Variants in SRD5A1 observed in about 807,000 individuals in gnomAD.
SRD5A1 encodes the protein 3-oxo-5-alpha-steroid 4-dehydrogenase 1.
In SRD5A1, 22 loss-of-function variants were observed where a neutral mutation model predicts 28.2. That is an observed-to-expected ratio of 0.78 (90% CI 0.56 to 1.12). SRD5A1 has a LOEUF of 1.12. Ranked by LOEUF, SRD5A1 falls within the 50% of genes most tolerant of loss-of-function variation. The pLI, the probability that SRD5A1 is intolerant of heterozygous loss-of-function variation, is 0.00. For synonymous variants in SRD5A1, 151 were observed against 135.0 expected (o/e 1.12, Z -0.82); for missense variants, 300 against 346.7 (o/e 0.87, Z 1.07).
Position 6,670,596 on chromosome 5 carries a change from C to CTG in SRD5A1, c.*2328_*2329insTG, listed in dbSNP as rs1470902035. On this transcript the variant is annotated 3_prime_UTR_variant, in exon 5 of 5. Transcript: ENST00000274192. Reference sequence around the variant, plus strand: ...AGCACTTACTGTATATCAAGCACAGCAGTGGGTGCTGAGGACGGATGGGTA... The same window carrying CTG: ...AGCACTTACTGTATATCAAGCACAGCTGAGTGGGTGCTGAGGACGGATGGGTA... The CTG allele has an allele frequency of 2.0e-5, 3 of 152,328 alleles. No individual in the cohort carries two copies. The East Asian group carries it at 5.8e-4, about 29-fold the overall frequency. The allele number at this position is 152,328 out of a possible 1,614,324, so 9.4% of individuals were successfully genotyped here.
At chr5:6,643,918 CT>C (rs150526597) in intron 1 of SRD5A1, among the ~76,000 whole-genome samples, 1,874 of 152,280 alleles carry the variant, frequency 0.012, 38 homozygotes, top group African/African-American at 0.042. Flanking sequence ...AGTGCAGAGT[CT>C]GATAATATTA....
chr5:6,654,314 C>T (rs1738772176), intron 2 of SRD5A1, among the ~76,000 whole-genome samples: 1 of 152,124 alleles, frequency 6.6e-6, no homozygotes, highest in African/African-American at 2.4e-5. Context: ...GCCTCAGCCT[C>T]CCAAAGTGGT....
chr5:6,668,160 T>G (rs1483801696), intron 4 of SRD5A1, 42 bp from the exon 5 acceptor site: 2 of 1,276,228 alleles, frequency 1.6e-6, no homozygotes, highest in South Asian at 2.7e-5. Flanking sequence ...GTTAAATGTC[T>G]AAGCGACAGA....
intron 1 of SRD5A1, among the ~76,000 whole-genome samples, chr5:6,643,349 G>A (rs1738418091): frequency 6.6e-6 from 1 of 152,110 alleles, no homozygotes; most frequent in Admixed American, 6.6e-5. Context: ...TGTCACCCAA[G>A]CTGGAGTGCA....
Position 6,633,677 on chromosome 5 carries a change from C to CG in SRD5A1, c.102dup (p.Asn35GlufsTer93). The CG allele has an allele frequency of 6.3e-7, 1 of 1,585,578 alleles. No individual in the cohort carries two copies. The highest frequency in any genetic ancestry group is 8.5e-7 in the Non-Finnish European group (1 of 1,173,560). On this transcript the variant is annotated frameshift_variant, in exon 1 of 5. Transcript: ENST00000274192. LOFTEE classifies it high-confidence loss of function. ...GCGGTCTTCGCGCGCAATCGTCAGA[C>CG]GAACTCAGTGTACGGCCGCCACGCG...
chr5:6,648,480 C>T (rs1044714105), intron 1 of SRD5A1, among the ~76,000 whole-genome samples: 2 of 151,216 alleles, frequency 1.3e-5, no homozygotes, highest in African/African-American at 4.8e-5. Context: ...TTTCTTTTCA[C>T]TCTAAGTCTT....
rs1739438114 is a variant in SRD5A1 at position 6,674,076 on chromosome 5, A to G, written c.*5808A>G. The G allele has an allele frequency of 6.6e-6, 1 of 151,528 alleles. No homozygotes were observed. The highest frequency in any genetic ancestry group is 1.5e-5 in the Non-Finnish European group (1 of 67,934). The allele number at this position is 151,528 out of a possible 1,614,324, so 9.4% of individuals were successfully genotyped here. ...ATAGAATATACAACATGAAGAATGA[A>G]TGCTAATGTAAACTCTGGATTTTTA... On this transcript the variant is annotated 3_prime_UTR_variant, in exon 5 of 5. Transcript: ENST00000274192.
In SRD5A1 at chr5:6,664,399, A is replaced by G. The variant is rs182541733; in HGVS notation, c.713+1433A>G. Among the ~76,000 whole-genome samples, 32 of 152,152 alleles carry G rather than the reference A, an allele frequency of 2.1e-4. No homozygotes were observed. The East Asian group carries it at 5.4e-3, about 26-fold the overall frequency. On this transcript the variant is annotated intron_variant, in intron 4 of 4. Coordinates refer to ENST00000274192, the MANE Select transcript of SRD5A1 (RefSeq NM_001047.4). ...GAAGAAGAAAGGTCATATCTGAAGT[A>G]TCTCTTTGTCTAATTTTTTTTTTAA...
chr5:6,656,285 C>T, intron 3 of SRD5A1, 106 bp downstream of exon 3: 1 of 843,202 alleles, frequency 1.2e-6, no homozygotes, highest in South Asian at 1.5e-5. Context: ...TTATTAGCTA[C>T]AAGTTTTCAG....
chr5:6,638,197 G>A (rs1050227469), intron 1 of SRD5A1, among the ~76,000 whole-genome samples: 2 of 152,168 alleles, frequency 1.3e-5, no homozygotes, highest in East Asian at 3.9e-4. Context: ...AATTTAGCTG[G>A]GTGTGGTGGC....
Position 6,647,026 on chromosome 5 carries a change from G to T in SRD5A1, c.294-4816G>T, listed in dbSNP as rs530284985. On this transcript the variant is annotated intron_variant, in intron 1 of 4. Coordinates refer to ENST00000274192, the MANE Select transcript of SRD5A1 (RefSeq NM_001047.4). ...ACATCTTTATTTCTGCTTTCATTTT[G>T]TTATTTATCCAGTAGTCATTCAGGA... is the stretch of plus-strand genomic sequence containing the variant. Among the ~76,000 whole-genome samples, 100 of 152,202 alleles carry T rather than the reference G, an allele frequency of 6.6e-4. 1 individual carries two copies. In the South Asian group the frequency reaches 0.019, roughly 29 times the overall value.
intron 1 of SRD5A1, among the ~76,000 whole-genome samples, chr5:6,650,511 AAATTC>A (rs1157235884): frequency 3.3e-5 from 5 of 152,210 alleles, no homozygotes; most frequent in African/African-American, 1.2e-4. Context: ...ATTAAAAAGA[AAATTC>A]AAACAGAGAA....
chr5:6,639,407 T>C (rs1738293783), intron 1 of SRD5A1, among the ~76,000 whole-genome samples: 1 of 152,202 alleles, frequency 6.6e-6, no homozygotes, highest in South Asian at 2.1e-4. Flanking sequence ...GTATGGGTAA[T>C]TCTGCCCGTT....
rs1738077777 is a variant in SRD5A1 at position 6,633,878 on chromosome 5, C to T, written c.293+9C>T. On this transcript the variant is annotated intron_variant, in intron 1 of 4. Transcript: ENST00000274192. ...GTCCACTACGGGCATCGGTAACGTC[C>T]CCGGCCCCCGGCCCCCTACCCTACT... The T allele has an allele frequency of 1.3e-6, 2 of 1,596,200 alleles. No homozygotes were observed. The highest frequency in any genetic ancestry group is 3.3e-5 in the Admixed American group (2 of 59,896).
intron 1 of SRD5A1, among the ~76,000 whole-genome samples, chr5:6,646,752 A>C (rs1738521810): frequency 6.6e-6 from 1 of 151,992 alleles, no homozygotes; most frequent in African/African-American, 2.4e-5. Flanking sequence ...ATTTTTTTGA[A>C]GGGTTTTTCA....
rs1295110143 is a variant in SRD5A1 at position 6,651,963 on chromosome 5, G to T, written c.415G>T (p.Ala139Ser). ...GCAAAGCAGATACTTGAGCCATTGT[G>T]CAGTGTATGCTGATGACTGGGTAAC... is the stretch of plus-strand genomic sequence containing the variant. ...YLQSRYLSHC[A>S]VYADDWVTDP... The change falls in exon 2 of 5, where the codon GCA (alanine) becomes TCA (serine). Residue 139 changes from alanine to serine, a missense_variant. This residue lies in a region of SRD5A1 where 126 missense variants were observed against 185.7 expected (regional missense o/e 0.68). Coordinates refer to ENST00000274192, the MANE Select transcript of SRD5A1 (RefSeq NM_001047.4). The T allele has an allele frequency of 6.2e-7, 1 of 1,614,040 alleles. No homozygotes were observed. The highest frequency in any genetic ancestry group is 8.5e-7 in the Non-Finnish European group (1 of 1,180,010).
In SRD5A1 at chr5:6,651,854, C is replaced by T. The variant is rs775567208; in HGVS notation, c.306C>T (p.Tyr102=). The T allele has an allele frequency of 1.2e-6, 2 of 1,608,914 alleles. No individual in the cohort carries two copies. The highest frequency in any genetic ancestry group is 1.1e-5 in the South Asian group (1 of 90,596). ...CTTGTTTCCTAAGGTGCTTAATTTACCCATTTCTGATGCGAGGAGGAAAGC... is the reference window on the plus strand; with the variant it reads ...CTTGTTTCCTAAGGTGCTTAATTTATCCATTTCTGATGCGAGGAGGAAAGC... The part of the protein sequence containing the change: ...LVHYGHRCLI[Y]PFLMRGGKPM... The change falls in exon 2 of 5, where the codon TAC becomes TAT. Residue 102 remains tyrosine, a synonymous_variant. Transcript: ENST00000274192.
chr5:6,651,962 T>G lies in SRD5A1; in HGVS notation c.414T>G (p.Cys138Trp), dbSNP rs762307858. 27 of 1,614,074 alleles carry G rather than the reference T, an allele frequency of 1.7e-5. No homozygotes were observed. Among genetic ancestry groups the G allele is most frequent in the Non-Finnish European group, 2.1e-5 (25 of 1,180,020 alleles). Residue 138 changes from cysteine (C) to tryptophan (W), a missense_variant, in exon 2 of 5, where the codon TGT becomes TGG. Transcript: ENST00000274192. ...GYLQSRYLSH[C>W]AVYADDWVTD... ...TGCAAAGCAGATACTTGAGCCATTG[T>G]GCAGTGTATGCTGATGACTGGGTAA...
chr5:6,662,361 T>C, intron 3 of SRD5A1, among the ~76,000 whole-genome samples: 1 of 152,262 alleles, frequency 6.6e-6, no homozygotes, highest in East Asian at 1.9e-4. Context: ...GGAGGGTGTC[T>C]GTCCAAGTGC....
Sources: gnomAD v4.1 joint callset for allele counts (sites outside exome capture counted in the v4.1 genomes callset) on GRCh38, gnomAD v4.1.1 for gene constraint, gnomAD v4.1.1 regional missense constraint, MANE v1.5 for transcripts, NCBI Gene and HGNC (gene_info 2026-07-23, HGNC 2026-07-21) for gene names.